The following ZNF318 variants were observed in gnomAD, a reference collection of about 807,000 sequenced individuals.
The protein encoded by ZNF318 is endocrine regulator.
Under a neutral mutation model 124.2 loss-of-function variants are expected in ZNF318, and 51 were observed. The observed-to-expected ratio is 0.41, with a 90% CI of 0.33 to 0.52. The LOEUF (loss-of-function observed/expected upper bound fraction) is 0.52, where lower values mean the gene tolerates loss of function less well. ZNF318 is among the 20% of genes least tolerant of loss of function. The pLI, the probability that ZNF318 is intolerant of heterozygous loss-of-function variation, is 0.23. For synonymous variants in ZNF318, 1,090 were observed against 1,040.7 expected, an observed-to-expected ratio of 1.05 and a Z score of -0.91; for missense variants, 2,815 against 2,811.2, an observed-to-expected ratio of 1.00 and a Z score of -0.03.
chr6:43,346,374 G>A (rs775000884), intron 6 of ZNF318, among the ~76,000 whole-genome samples: 8 of 151,462 alleles, frequency 5.3e-5, no homozygotes, highest in South Asian at 4.2e-4. Context: ...TCAGCTACTC[G>A]GCAGGCTGAG....
At position 43,368,634 on chromosome 6, in the gene ZNF318, T is replaced by A. The variant is rs1042282107; in HGVS notation, c.399+333A>T. 14 of 979,604 alleles carry A rather than the reference T, an allele frequency of 1.4e-5. No individual in the cohort carries two copies. In the East Asian group the frequency reaches 1.5e-3, roughly 103 times the overall value. 60.7% of individuals were successfully genotyped at this position (979,604 alleles called of 1,614,324 possible). ...AAAAGTACGGAACCCCGAGGACACA[T>A]CAACTCTACAAAAAGTACCAAGACA... is the stretch of plus-strand genomic sequence containing the variant. On this transcript the variant is annotated intron_variant, in intron 1 of 9. Transcript: ENST00000361428.
chr6:43,356,206 G>A, intron 3 of ZNF318, 61 bp from the exon 4 acceptor site: 4 of 1,512,372 alleles, frequency 2.6e-6, no homozygotes, highest in Middle Eastern at 2.0e-4. Context: ...TAGTAATTGA[G>A]ATAAATACTT....
chr6:43,366,520 G>A (rs1471716393), intron 1 of ZNF318, among the ~76,000 whole-genome samples: 6 of 152,134 alleles, frequency 3.9e-5, no homozygotes, highest in African/African-American at 1.2e-4. Context: ...CCCCGGGCCA[G>A]GCATGGTAGC....
chr6:43,368,929 G>T, intron 1 of ZNF318, 38 bp downstream of exon 1: 1 of 1,337,250 alleles, frequency 7.5e-7, no homozygotes, highest in Non-Finnish European at 9.6e-7. Context: ...GGAGGGGACT[G>T]GGGGATGGAG....
intron 5 of ZNF318, among the ~76,000 whole-genome samples, chr6:43,350,020 C>T (rs1434859345): frequency 6.6e-6 from 1 of 152,156 alleles, no homozygotes; most frequent in African/African-American, 2.4e-5. Context: ...GAGGTCGAGG[C>T]AGGCGGATCA....
At chr6:43,349,809 C>T (rs908771337) in intron 5 of ZNF318, among the ~76,000 whole-genome samples, 1 of 152,140 alleles carries the variant, frequency 6.6e-6, no homozygotes, top group Non-Finnish European at 1.5e-5. Flanking sequence ...AAAGACCAGA[C>T]ACTGTGGTTC....
intron 6 of ZNF318, among the ~76,000 whole-genome samples, chr6:43,347,429 G>A (rs1439248143): frequency 2.0e-5 from 3 of 152,206 alleles, no homozygotes; most frequent in African/African-American, 7.2e-5. Context: ...ACTTTGGAGA[G>A]GGACCTGACA....
In ZNF318 at chr6:43,338,036, C is replaced by G. The variant is rs1779313231; in HGVS notation, c.5962G>C (p.Glu1988Gln). The change falls in exon 10 of 10, where the codon GAG becomes CAG. Residue 1988 changes from glutamate (E) to glutamine (Q), a missense_variant. By Grantham distance (29) the Glu-to-Gln change is conservative. Around this residue, in one of 4 missense-constraint regions of ZNF318, gnomAD observed 927 missense variants for 820.6 expected, o/e 1.13. Transcript: ENST00000361428. ...EALELQDVHP[E>Q]LTVTIESKAL... ...TTGCTTTCTATTGTCACTGTTAACT[C>G]TGGATGGACATCTTGTAGCTCCAGT... The G allele has an allele frequency of 1.9e-6, 3 of 1,614,190 alleles. No homozygotes were observed. The highest frequency in any genetic ancestry group is 1.7e-6 in the Non-Finnish European group (2 of 1,180,036).
At chr6:43,368,568 T>C (rs1052701851) in intron 1 of ZNF318, 6 of 759,336 alleles carry the variant, frequency 7.9e-6, no homozygotes, top group African/African-American at 7.6e-5. Flanking sequence ...TTCGGCTTTT[T>C]CCCCTAAGAT....
Position 43,369,431 on chromosome 6 carries a change from C to A in ZNF318, c.-66G>T. On this transcript the variant is annotated 5_prime_UTR_variant, in exon 1 of 10. Coordinates refer to ENST00000361428, the MANE Select transcript of ZNF318 (RefSeq NM_014345.3). ...GGGCGCCCTAGACGCAGGCTCGGAG[C>A]GCGCCGCCGCAGCTGCAGCCGCCGC... 1 of 1,133,902 alleles carries A rather than the reference C, an allele frequency of 8.8e-7. No individual in the cohort carries two copies. The highest frequency in any genetic ancestry group is 1.1e-6 in the Non-Finnish European group (1 of 921,794). 70.2% of individuals were successfully genotyped at this position (1,133,902 alleles called of 1,614,324 possible).
chr6:43,350,460 T>A (rs1475917948), intron 5 of ZNF318, among the ~76,000 whole-genome samples: 1 of 151,944 alleles, frequency 6.6e-6, no homozygotes, highest in Non-Finnish European at 1.5e-5. Flanking sequence ...CAAATGGGAG[T>A]GAGGGTTAGG....
chr6:43,345,451 A>G (rs1279736552), intron 6 of ZNF318, among the ~76,000 whole-genome samples: 1 of 152,164 alleles, frequency 6.6e-6, no homozygotes, highest in Non-Finnish European at 1.5e-5. Context: ...CTGAGATGAA[A>G]ACTGAATTGT....
At chr6:43,351,818 G>C (rs896668171) in intron 5 of ZNF318, among the ~76,000 whole-genome samples, 2 of 151,736 alleles carry the variant, frequency 1.3e-5, no homozygotes, top group Non-Finnish European at 2.9e-5. Flanking sequence ...AATTGAGAGA[G>C]AGAAAAAGAT....
chr6:43,349,064 G>A (rs1361505883), intron 5 of ZNF318, among the ~76,000 whole-genome samples: 2 of 152,154 alleles, frequency 1.3e-5, no homozygotes, highest in African/African-American at 4.8e-5. Context: ...AAGAGCAAGT[G>A]AGACTCTCCT....
chr6:43,369,222 G>C lies in ZNF318; in HGVS notation c.144C>G (p.Ser48=). Residue 48 remains serine (S), a synonymous_variant, in exon 1 of 10, where the codon TCC becomes TCG. Coordinates refer to ENST00000361428, the MANE Select transcript of ZNF318 (RefSeq NM_014345.3). ...GTCGGCGAGCCGGGGTCCGCGACGA[G>C]GAGCCGGAGGGCGGAGGCGGCGGTG... The part of the protein sequence containing the change: ...RSSPPPPPSG[S]SSRTPARRPR... 2.5e-6 allele frequency: 3 copies of C among 1,218,844 alleles called. No homozygotes were observed. The highest frequency in any genetic ancestry group is 3.1e-6 in the Non-Finnish European group (3 of 979,940). The allele number at this position is 1,218,844 out of a possible 1,614,324, so 75.5% of individuals were successfully genotyped here.
chr6:43,362,180 G>A (rs1474176489), intron 2 of ZNF318, among the ~76,000 whole-genome samples: 1 of 151,644 alleles, frequency 6.6e-6, no homozygotes, highest in Admixed American at 6.6e-5. Context: ...ATTTAAAAGG[G>A]GCCAGGCGCG....
Position 43,357,746 on chromosome 6 carries a change from A to C in ZNF318, c.568T>G (p.Ser190Ala). 1 of 1,599,148 alleles carries C rather than the reference A, an allele frequency of 6.3e-7. No individual in the cohort carries two copies. The highest frequency in any genetic ancestry group is 1.3e-5 in the African/African-American group (1 of 74,536). Reference sequence around the variant, plus strand: ...CACTGGGAGCTTCGAGTGAAGACAGAATCATCAGTCAGGTCATCCCTGAGG... The same window carrying C: ...CACTGGGAGCTTCGAGTGAAGACAGCATCATCAGTCAGGTCATCCCTGAGG... ...DMDRDDLTDDSVFTRSSQCSR... is the reference protein window; with the variant it reads ...DMDRDDLTDDAVFTRSSQCSR... The change falls in exon 3 of 10, where the codon TCT becomes GCT. Residue 190 changes from serine (S) to alanine (A), a missense_variant. Ser to Ala is a moderately conservative substitution (Grantham distance 99, BLOSUM62 1). Coordinates refer to ENST00000361428, the MANE Select transcript of ZNF318 (RefSeq NM_014345.3).
chr6:43,340,147 T>G lies in ZNF318; in HGVS notation c.3851A>C (p.Glu1284Ala). ...GGTCACCAATGAACTTTTCTCCTCT[T>G]CTTTTTCTGGCTTCTTCCAGCTGAA... ...GKFSWKKPEK[E>A]EEKSSLVTPS... The change falls in exon 10 of 10, where the codon GAA becomes GCA. Residue 1284 changes from glutamate (E) to alanine (A), a missense_variant. Glu to Ala is a moderately radical substitution (Grantham distance 107). Coordinates refer to ENST00000361428, the MANE Select transcript of ZNF318 (RefSeq NM_014345.3). The G allele has an allele frequency of 6.2e-7, 1 of 1,614,158 alleles. No individual in the cohort carries two copies. The highest frequency in any genetic ancestry group is 8.5e-7 in the Non-Finnish European group (1 of 1,180,022).
rs553194886 is a variant in ZNF318 at position 43,364,026 on chromosome 6, C to T, written c.548+1266G>A. 6.2e-5 allele frequency: 48 copies of T among 774,618 alleles called. No individual in the cohort carries two copies. In the Admixed American group the frequency reaches 7.1e-4, roughly 11 times the overall value. 48.0% of individuals were successfully genotyped at this position (774,618 alleles called of 1,614,324 possible). A position where few individuals can be genotyped will look rare whatever the true frequency, so the allele number is the denominator to read the frequency against. On this transcript the variant is annotated intron_variant, in intron 2 of 9. Coordinates refer to ENST00000361428, the MANE Select transcript of ZNF318 (RefSeq NM_014345.3). ...TCCCTGCGCCCAAGGGCACTGGCAT[C>T]GTCTCAGCCCGTGCCCAAGAAGCTG... is the stretch of plus-strand genomic sequence containing the variant.
Sources: gnomAD v4.1 joint callset for allele counts (sites outside exome capture counted in the v4.1 genomes callset) on GRCh38, gnomAD v4.1.1 for gene constraint, gnomAD v4.1.1 regional missense constraint, MANE v1.5 for transcripts, NCBI Gene and HGNC (gene_info 2026-07-23, HGNC 2026-07-21) for gene names.